The following CORO7 variants were observed in gnomAD, a reference collection of about 807,000 sequenced individuals.
CORO7 encodes the protein coronin 7, also known as coronin-7.
Under a neutral mutation model 126.6 loss-of-function variants are expected in CORO7, and 107 were observed. That is an observed-to-expected ratio of 0.85 (90% CI 0.72 to 0.99). CORO7 has a LOEUF of 0.99. Ranked by LOEUF, CORO7 falls within the 50% of genes least tolerant of loss-of-function variation. The probability of loss-of-function intolerance (pLI) is 0.00; values close to 1 mark genes in which losing one functional copy is unlikely to be tolerated. For missense variants in CORO7, 1,314 were observed against 1,255.8 expected (o/e 1.05, Z -0.70); for synonymous variants, 603 against 536.8 (o/e 1.12, Z -1.70).
intron 9 of CORO7, chr16:4,382,740 C>T (rs899553507): frequency 1.9e-6 from 3 of 1,555,662 alleles, no homozygotes; most frequent in African/African-American, 1.4e-5. Context: ...GGGCTGGGCC[C>T]CTGGAACTGG....
At chr16:4,398,850 C>A (rs1384189942) in intron 6 of CORO7, among the ~76,000 whole-genome samples, 1 of 151,384 alleles carries the variant, frequency 6.6e-6, no homozygotes, top group Non-Finnish European at 1.5e-5. Context: ...AGACTGTGTT[C>A]CCAGCTACTG....
intron 25 of CORO7, chr16:4,357,735 A>T: frequency 1.5e-6 from 1 of 661,246 alleles, no homozygotes; most frequent in Non-Finnish European, 2.4e-6. Flanking sequence ...GCCCTGCCCT[A>T]GACACCACAG....
In CORO7 at chr16:4,360,535, G is replaced by T; in HGVS notation, c.1931C>A (p.Ala644Asp). Residue 644 changes from alanine (A) to aspartate (D), a missense_variant, in exon 20 of 28, where the codon GCC becomes GAC. Coordinates refer to ENST00000251166, the MANE Select transcript of CORO7 (RefSeq NM_024535.5). ...CAGCTGCTGCCCATCAGGACTCCAGGCCAGGCTGAAGATCTGGGGGCAGGA... is the reference window on the plus strand; with the variant it reads ...CAGCTGCTGCCCATCAGGACTCCAGTCCAGGCTGAAGATCTGGGGGCAGGA... ...QGHQDQIFSLAWSPDGQQLAT... is the reference protein window; with the variant it reads ...QGHQDQIFSLDWSPDGQQLAT... 1.2e-6 allele frequency: 2 copies of T among 1,606,660 alleles called. No homozygotes were observed. The highest frequency in any genetic ancestry group is 1.7e-6 in the Non-Finnish European group (2 of 1,177,102).
chr16:4,382,149 A>G, intron 9 of CORO7: 1 of 1,592,432 alleles, frequency 6.3e-7, no homozygotes, highest in Non-Finnish European at 8.5e-7. Flanking sequence ...ACCTGGGGAC[A>G]CGGCACCACC....
chr16:4,415,925 G>A (rs2056392943), intron 1 of CORO7: 3 of 984,780 alleles, frequency 3.0e-6, no homozygotes, highest in Non-Finnish European at 2.4e-6. Context: ...GGCGAGAGGA[G>A]GAAGCACCGG....
rs139562241 is a variant in CORO7, at chr16:4,393,058, G to A, written c.615+2231C>T. Among the ~76,000 whole-genome samples the A allele has an allele frequency of 7.9e-3, 1,207 of 152,372 alleles. 18 individuals are homozygous for A. Among genetic ancestry groups the A allele is most frequent in the African/African-American group, 0.027 (1,103 of 41,582 alleles). ...CGCCCCAGCCCTGCTGGAAGAGGAGGGGAGAGGAGGAGGAAGGCTGGAAAG... is the reference window on the plus strand; with the variant it reads ...CGCCCCAGCCCTGCTGGAAGAGGAGAGGAGAGGAGGAGGAAGGCTGGAAAG... On this transcript the variant is annotated intron_variant, in intron 7 of 27. Coordinates refer to ENST00000251166, the MANE Select transcript of CORO7 (RefSeq NM_024535.5).
chr16:4,390,163 G>A (rs544932675), intron 7 of CORO7, among the ~76,000 whole-genome samples: 2 of 152,302 alleles, frequency 1.3e-5, no homozygotes, highest in African/African-American at 2.4e-5. Flanking sequence ...TGGGGGAGCC[G>A]CACGGTGTTA....
intron 6 of CORO7, among the ~76,000 whole-genome samples, chr16:4,395,757 G>C (rs949899496): frequency 5.9e-5 from 9 of 152,170 alleles, no homozygotes; most frequent in African/African-American, 2.2e-4. Flanking sequence ...GCTCAGCCCT[G>C]TACTAGGCCC....
At chr16:4,375,136 G>A (rs889249067) in intron 9 of CORO7, among the ~76,000 whole-genome samples, 1 of 152,240 alleles carries the variant, frequency 6.6e-6, no homozygotes, top group Admixed American at 6.5e-5. Flanking sequence ...CACCGCCCCA[G>A]GGGCTCACTT....
intron 9 of CORO7, among the ~76,000 whole-genome samples, chr16:4,376,066 C>T (rs1300410064): frequency 6.6e-6 from 1 of 152,196 alleles, no homozygotes; most frequent in African/African-American, 2.4e-5. Flanking sequence ...GACCCCCGCT[C>T]AATCACCAGC....
intron 6 of CORO7, among the ~76,000 whole-genome samples, chr16:4,396,546 G>A (rs2055600440): frequency 6.6e-6 from 1 of 152,186 alleles, no homozygotes; most frequent in Non-Finnish European, 1.5e-5. Flanking sequence ...GCTGAGCAAG[G>A]AGAAAGGTCT....
intron 9 of CORO7, among the ~76,000 whole-genome samples, chr16:4,373,979 A>T (rs891460515): frequency 6.6e-6 from 1 of 152,138 alleles, no homozygotes; most frequent in African/African-American, 2.4e-5. Context: ...CTGCCCTTAG[A>T]GTCCCCTCCC....
intron 9 of CORO7, chr16:4,382,373 G>A (rs763396351): frequency 9.3e-6 from 15 of 1,612,228 alleles, no homozygotes; most frequent in Middle Eastern, 1.7e-4. Flanking sequence ...CTCACCTATC[G>A]CAACCTATCG....
chr16:4,412,248 G>C (rs2056238882), intron 3 of CORO7, 108 bp downstream of exon 3: 1 of 1,214,888 alleles, frequency 8.2e-7, no homozygotes, highest in Non-Finnish European at 1.2e-6. Context: ...GGCGACAGGA[G>C]GGACCTGGCA....
At position 4,381,973 on chromosome 16, in the gene CORO7, C is replaced by T. The variant is rs1468147840; in HGVS notation, c.785+6013G>A. The stretch of plus-strand genomic sequence containing the variant: ...AGTGCCCACCACGAGGCCCGTGGTG[C>T]GGGAGCCCACAGCCTTGTCTTCTAG... On this transcript the variant is annotated intron_variant, in intron 9 of 27. Coordinates refer to ENST00000251166, the MANE Select transcript of CORO7 (RefSeq NM_024535.5). The T allele has an allele frequency of 3.7e-6, 6 of 1,607,586 alleles. No individual in the cohort carries two copies. The highest frequency in any genetic ancestry group is 1.7e-4 in the Middle Eastern group (1 of 6,044).
At chr16:4,391,630 C>T (rs1047863588) in intron 7 of CORO7, among the ~76,000 whole-genome samples, 1 of 152,254 alleles carries the variant, frequency 6.6e-6, no homozygotes, top group African/African-American at 2.4e-5. Context: ...ACCAGGGAGG[C>T]TGACGCAGGA....
chr16:4,364,301 G>T lies in CORO7; in HGVS notation c.1250C>A (p.Thr417Lys), dbSNP rs755343804. 5.1e-6 allele frequency: 8 copies of T among 1,553,832 alleles called. No homozygotes were observed. Among genetic ancestry groups the T allele is most frequent in the Non-Finnish European group, 6.9e-6 (8 of 1,152,984 alleles). ...PDTAQPAVMETPVGDADASEG... is the reference protein window; with the variant it reads ...PDTAQPAVMEKPVGDADASEG... ...GCTTGCGTCTGCATCACCCACGGGT[G>T]TCTCCATCACCGCAGGCTGGGCTGT... Residue 417 changes from threonine to lysine, a missense_variant, in exon 14 of 28, where the codon ACA becomes AAA. Thr to Lys is a moderately conservative substitution (Grantham distance 78). Coordinates refer to ENST00000251166, the MANE Select transcript of CORO7 (RefSeq NM_024535.5).
At chr16:4,381,961 A>T in intron 9 of CORO7, 1 of 1,608,696 alleles carries the variant, frequency 6.2e-7, no homozygotes, top group Non-Finnish European at 8.5e-7. Context: ...GCCCACCACG[A>T]GGCCCGTGGT....
chr16:4,384,552 C>T (rs1200932041), intron 9 of CORO7, among the ~76,000 whole-genome samples: 1 of 152,238 alleles, frequency 6.6e-6, no homozygotes, highest in African/African-American at 2.4e-5. Context: ...CTCAGGCTCA[C>T]CCCTGGTGGG....
Sources: allele counts gnomAD v4.1 joint callset (sites outside exome capture counted in the v4.1 genomes callset), GRCh38; gene constraint gnomAD v4.1.1; transcripts MANE v1.5; gene names NCBI Gene and HGNC (gene_info 2026-07-23, HGNC 2026-07-21).